Variants in CALN1 observed in about 807,000 individuals in gnomAD.
CALN1 encodes calneuron 1.
A neutral mutation model predicts 30.6 loss-of-function variants in CALN1; 17 were observed. The ratio of observed to expected loss-of-function variants is 0.56; its 90% CI spans 0.38 to 0.83. CALN1 has a LOEUF of 0.83. Ranked by LOEUF, CALN1 falls within the 40% of genes least tolerant of loss-of-function variation. CALN1 has a pLI of 0.00. For missense variants in CALN1, 291 were observed against 354.9 expected (o/e 0.82, Z 1.45); for synonymous variants, 156 against 131.4 (o/e 1.19, Z -1.28).
At chr7:72,369,283 T>TATAAA (rs1027171537) in intron 2 of CALN1, among the ~76,000 whole-genome samples, 52 of 148,160 alleles carry the variant, frequency 3.5e-4, no homozygotes, top group African/African-American at 1.2e-3. Context: ...GTTATATACA[T>TATAAA]ATAAAATATA....
At chr7:72,277,471 C>T (rs1585337382) in intron 3 of CALN1, among the ~76,000 whole-genome samples, 1 of 152,150 alleles carries the variant, frequency 6.6e-6, no homozygotes, top group Non-Finnish European at 1.5e-5. Flanking sequence ...AGTGAGCAGC[C>T]GCTATCCCTA....
Position 72,009,937 on chromosome 7 carries a change from G to A in CALN1, c.501+13720C>T, listed in dbSNP as rs887351351. 4.6e-5 allele frequency among the ~76,000 whole-genome samples: 7 copies of A among 152,188 alleles called. No individual in the cohort carries two copies. The East Asian group carries it at 1.4e-3, about 29-fold the overall frequency. On this transcript the variant is annotated intron_variant, in intron 5 of 6. Transcript: ENST00000395275. ...AGCATGAAAACAGACTAATACAGTAGGTAAGAGGTTAATTTCCTAAAATCA... is the reference window on the plus strand; with the variant it reads ...AGCATGAAAACAGACTAATACAGTAAGTAAGAGGTTAATTTCCTAAAATCA...
intron 5 of CALN1, among the ~76,000 whole-genome samples, chr7:72,020,502 A>G (rs1374077411): frequency 1.3e-5 from 2 of 151,984 alleles, no homozygotes; most frequent in African/African-American, 4.8e-5. Context: ...TCGCAGGGGG[A>G]AGAAGGGGAG....
intron 4 of CALN1, among the ~76,000 whole-genome samples, chr7:72,064,404 A>T (rs1803879307): frequency 6.6e-6 from 1 of 152,210 alleles, no homozygotes; most frequent in Non-Finnish European, 1.5e-5. Context: ...AAATTACTCA[A>T]AATCAATTAA....
Position 72,246,499 on chromosome 7 carries a change from C to A in CALN1, c.244+32187G>T, listed in dbSNP as rs1341530659. Among the ~76,000 whole-genome samples the A allele has an allele frequency of 3.3e-5, 5 of 152,238 alleles. No individual in the cohort carries two copies. The East Asian group carries it at 7.8e-4, about 24-fold the overall frequency. On this transcript the variant is annotated intron_variant, in intron 3 of 6. Coordinates refer to ENST00000395275, the MANE Select transcript of CALN1 (RefSeq NM_031468.4). ...CAGTGTCACCTGCCAGGCTAACTTT[C>A]AGTAACTCTATAATTCCGTGATCAA...
At chr7:71,919,322 A>G (rs1471567083) in intron 5 of CALN1, among the ~76,000 whole-genome samples, 1 of 152,250 alleles carries the variant, frequency 6.6e-6, no homozygotes, top group Non-Finnish European at 1.5e-5. Flanking sequence ...ACTGTCCACC[A>G]GCTGGCTCCA....
intron 1 of CALN1, among the ~76,000 whole-genome samples, chr7:72,443,292 G>T (rs770189285): frequency 6.6e-6 from 1 of 152,180 alleles, no homozygotes; most frequent in Admixed American, 6.5e-5. Flanking sequence ...ATCCAGGTGC[G>T]TAGGACACAG....
chr7:72,184,597 G>A (rs953444294), intron 3 of CALN1, among the ~76,000 whole-genome samples: 13 of 152,086 alleles, frequency 8.5e-5, no homozygotes, highest in African/African-American at 2.4e-4. Flanking sequence ...TAGCTGGAAA[G>A]GTAAACATAT....
intron 3 of CALN1, among the ~76,000 whole-genome samples, chr7:72,119,277 T>C (rs1423997097): frequency 6.6e-6 from 1 of 151,836 alleles, no homozygotes; most frequent in Non-Finnish European, 1.5e-5. Context: ...GTGAAAGGCA[T>C]GTCTTACATG....
chr7:71,787,931 G>A (rs370660878), intron 6 of CALN1, 29 bp from the exon 7 acceptor site: 281 of 1,613,634 alleles, frequency 1.7e-4, no homozygotes, highest in Non-Finnish European at 2.3e-4. Context: ...GGTGTGGGAA[G>A]AAGGAAGAGG....
At chr7:71,966,088 TAC>T (rs1280287516) in intron 5 of CALN1, among the ~76,000 whole-genome samples, 1 of 152,182 alleles carries the variant, frequency 6.6e-6, no homozygotes, top group Non-Finnish European at 1.5e-5. Flanking sequence ...CTGAAGGATA[TAC>T]AGTCTGTCTA....
chr7:72,072,323 C>T (rs1804454490), intron 4 of CALN1, among the ~76,000 whole-genome samples: 1 of 152,108 alleles, frequency 6.6e-6, no homozygotes, highest in Admixed American at 6.6e-5. Context: ...AGATTTCTCA[C>T]CAAAAACTTT....
chr7:72,474,599 C>T, the CALN1 span, among the ~76,000 whole-genome samples: 236 of 151,980 alleles, frequency 1.6e-3, 1 homozygote, highest in Middle Eastern at 0.017. Context: ...GCCAGAGGAT[C>T]GCTTGAGCTG....
At chr7:72,398,828 C>G (rs753072876) in intron 2 of CALN1, among the ~76,000 whole-genome samples, 1 of 152,230 alleles carries the variant, frequency 6.6e-6, no homozygotes, top group Non-Finnish European at 1.5e-5. Context: ...AGAAAAGTTT[C>G]TATAAACAGA....
At chr7:71,908,259 G>A (rs1488757161) in intron 5 of CALN1, among the ~76,000 whole-genome samples, 1 of 151,948 alleles carries the variant, frequency 6.6e-6, no homozygotes, top group African/African-American at 2.4e-5. Context: ...TGAACTCCTG[G>A]TATTGCAAAA....
At chr7:72,499,493 T>C in the CALN1 span, among the ~76,000 whole-genome samples, 13 of 152,182 alleles carry the variant, frequency 8.5e-5, no homozygotes, top group Non-Finnish European at 1.5e-4. Context: ...AATAAGGCAA[T>C]AATTTAGGCA....
intron 2 of CALN1, among the ~76,000 whole-genome samples, chr7:72,326,086 A>G: frequency 6.6e-6 from 1 of 152,172 alleles, no homozygotes. Context: ...TATTTTTAGT[A>G]GAGACGCAGT....
intron 2 of CALN1, among the ~76,000 whole-genome samples, chr7:72,391,316 C>T (rs1303841949): frequency 6.6e-6 from 1 of 152,150 alleles, no homozygotes; most frequent in Non-Finnish European, 1.5e-5. Flanking sequence ...ACTCTTCAAA[C>T]CTAATAATGA....
At chr7:72,380,927 C>G (rs1159620594) in intron 2 of CALN1, among the ~76,000 whole-genome samples, 1 of 152,054 alleles carries the variant, frequency 6.6e-6, no homozygotes, top group South Asian at 2.1e-4. Context: ...CTTTGTGAGA[C>G]TGGGGCAGAT....
Sources: allele counts gnomAD v4.1 joint callset (sites outside exome capture counted in the v4.1 genomes callset), GRCh38; gene constraint gnomAD v4.1.1; transcripts MANE v1.5; gene names NCBI Gene and HGNC (gene_info 2026-07-23, HGNC 2026-07-21).